The following CNTN5 variants were observed in gnomAD, a reference collection of about 807,000 sequenced individuals.
The protein encoded by CNTN5 is contactin 5.
In CNTN5, 77 loss-of-function variants were observed where a neutral mutation model predicts 129.1. The observed-to-expected ratio is 0.60, with a 90% confidence interval of 0.50 to 0.72. The LOEUF (loss-of-function observed/expected upper bound fraction) is 0.72, where lower values mean the gene tolerates loss of function less well. Among genes scored for constraint, CNTN5 ranks in the 30% least tolerant of loss-of-function variants. The pLI is 0.00. For missense variants in CNTN5, 1,478 were observed against 1,328.8 expected (o/e 1.11, Z -1.75); for synonymous variants, 509 against 465.6 (o/e 1.09, Z -1.20).
chr11:99,057,341 A>G lies in CNTN5; in HGVS notation c.-210+36071A>G, dbSNP rs1309885836. ...TACAAAGCAGGTTTGTATTGCTCAC[A>G]AACATATTAAAAGTTTGGCCTTATA... is the stretch of plus-strand genomic sequence containing the variant. On this transcript the variant is annotated intron_variant, in intron 1 of 24. Transcript: ENST00000524871. 2.0e-5 allele frequency among the ~76,000 whole-genome samples: 3 copies of G among 152,054 alleles called. No individual in the cohort carries two copies. In the East Asian group the frequency reaches 5.8e-4, roughly 29 times the overall value.
At chr11:99,164,928 T>C (rs936810216) in intron 1 of CNTN5, among the ~76,000 whole-genome samples, 3 of 152,184 alleles carry the variant, frequency 2.0e-5, no homozygotes, top group Non-Finnish European at 2.9e-5. Context: ...TGTGTGCATA[T>C]GTGTGTGTAT....
chr11:99,554,654 C>T (rs747301261), intron 2 of CNTN5, among the ~76,000 whole-genome samples: 4 of 152,102 alleles, frequency 2.6e-5, no homozygotes, highest in African/African-American at 9.7e-5. Flanking sequence ...GCTATATTAC[C>T]TTCTCAGAAT....
intron 1 of CNTN5, among the ~76,000 whole-genome samples, chr11:99,137,511 A>G (rs1239769704): frequency 6.6e-6 from 1 of 152,150 alleles, no homozygotes. Context: ...AGGCCAGAGT[A>G]AAAGAATCAA....
At chr11:100,025,399 C>A (rs1941366704) in intron 9 of CNTN5, among the ~76,000 whole-genome samples, 1 of 152,194 alleles carries the variant, frequency 6.6e-6, no homozygotes, top group African/African-American at 2.4e-5. Flanking sequence ...TCATGGAGAA[C>A]CTATGCTGGT....
chr11:99,563,311 A>G (rs1161963479), intron 3 of CNTN5, among the ~76,000 whole-genome samples: 1 of 152,188 alleles, frequency 6.6e-6, no homozygotes, highest in East Asian at 1.9e-4. Flanking sequence ...GAGGAAAATT[A>G]GACAATTATT....
At chr11:99,761,569 T>C (rs1944583757) in intron 3 of CNTN5, among the ~76,000 whole-genome samples, 1 of 151,998 alleles carries the variant, frequency 6.6e-6, no homozygotes, top group African/African-American at 2.4e-5. Context: ...TCCAATTTCA[T>C]CCATGTCCCT....
At chr11:100,317,419 A>T (rs1188536236) in intron 21 of CNTN5, among the ~76,000 whole-genome samples, 1 of 152,212 alleles carries the variant, frequency 6.6e-6, no homozygotes, top group Non-Finnish European at 1.5e-5. Context: ...GGTAGCCGCC[A>T]TTTTACAGAG....
At chr11:99,445,775 C>T (rs1345220150) in intron 2 of CNTN5, among the ~76,000 whole-genome samples, 1 of 151,910 alleles carries the variant, frequency 6.6e-6, no homozygotes, top group Non-Finnish European at 1.5e-5. Context: ...CATAGAAGTT[C>T]CCCTCTCTTT....
chr11:99,230,388 G>A (rs1288018148), intron 1 of CNTN5, among the ~76,000 whole-genome samples: 1 of 151,776 alleles, frequency 6.6e-6, no homozygotes, highest in African/African-American at 2.4e-5. Context: ...ACTGATTTTG[G>A]GAAAAATGAC....
At chr11:99,728,130 T>C (rs551797087) in intron 3 of CNTN5, among the ~76,000 whole-genome samples, 1 of 152,144 alleles carries the variant, frequency 6.6e-6, no homozygotes, top group Admixed American at 6.5e-5. Flanking sequence ...AAAAGAAATA[T>C]GTTAAGAGTA....
chr11:100,321,878 T>C (rs1379553671), intron 21 of CNTN5, among the ~76,000 whole-genome samples: 1 of 152,230 alleles, frequency 6.6e-6, no homozygotes, highest in Non-Finnish European at 1.5e-5. Flanking sequence ...AAACCATCCT[T>C]ACATCCCCAC....
At chr11:100,322,187 G>A (rs544382156) in intron 21 of CNTN5, among the ~76,000 whole-genome samples, 1 of 151,556 alleles carries the variant, frequency 6.6e-6, no homozygotes, top group East Asian at 1.9e-4. Context: ...ATGTTGGTAA[G>A]AGTCACCCAT....
intron 1 of CNTN5, among the ~76,000 whole-genome samples, chr11:99,318,683 C>G (rs1463552351): frequency 1.3e-5 from 2 of 152,044 alleles, no homozygotes; most frequent in Admixed American, 1.3e-4. Flanking sequence ...TCCCACTACT[C>G]CCCCATGAAG....
At chr11:99,521,065 C>T (rs1012946835) in intron 2 of CNTN5, among the ~76,000 whole-genome samples, 1 of 152,092 alleles carries the variant, frequency 6.6e-6, no homozygotes. Context: ...AGAGCCAGAA[C>T]CAAAACCCAA....
At chr11:99,276,974 T>C (rs73536864) in intron 1 of CNTN5, among the ~76,000 whole-genome samples, 1 of 151,626 alleles carries the variant, frequency 6.6e-6, no homozygotes, top group African/African-American at 2.4e-5. Context: ...ATATGTGATA[T>C]AAACTTTAAA....
rs59103010 is a variant in CNTN5 at position 99,930,796 on chromosome 11, A to AACACACACACACACACAC, written c.673+14653_673+14670dup. On this transcript the variant is annotated intron_variant, in intron 7 of 24. Coordinates refer to ENST00000524871, the MANE Select transcript of CNTN5 (RefSeq NM_014361.4). ...AGATAAAAATAAACACATACACACA[A>AACACACACACACACACAC]ACACACACACACACACACACACATT... Among the ~76,000 whole-genome samples, 389 of 149,552 alleles carry AACACACACACACACACAC rather than the reference A, an allele frequency of 2.6e-3. 1 individual carries two copies. Among genetic ancestry groups the AACACACACACACACACAC allele is most frequent in the African/African-American group, 6.0e-3 (244 of 40,594 alleles).
intron 1 of CNTN5, among the ~76,000 whole-genome samples, chr11:99,148,035 T>G (rs1859870237): frequency 1.3e-5 from 2 of 152,124 alleles, no homozygotes; most frequent in African/African-American, 4.8e-5. Flanking sequence ...TTAATAGTAT[T>G]AAACATCATG....
intron 9 of CNTN5, among the ~76,000 whole-genome samples, chr11:100,054,924 T>G (rs1472483385): frequency 7.2e-6 from 1 of 139,494 alleles, no homozygotes; most frequent in African/African-American, 2.7e-5. Context: ...ACAAATTTAT[T>G]CTGGGTATTG....
intron 2 of CNTN5, among the ~76,000 whole-genome samples, chr11:99,382,845 CTTTTTTTTTTTTTTTTT>C (rs1163660333): frequency 6.5e-5 from 5 of 77,032 alleles, no homozygotes; most frequent in African/African-American, 3.1e-4. Context: ...CTCTAAATAA[CTTTTTTTTTTTTTTTTT>C]TTTTTTTTTT....
Sources: allele counts gnomAD v4.1 joint callset (sites outside exome capture counted in the v4.1 genomes callset), GRCh38; gene constraint gnomAD v4.1.1; transcripts MANE v1.5; gene names NCBI Gene and HGNC (gene_info 2026-07-23, HGNC 2026-07-21).